Variants in ABCC4 observed in about 807,000 individuals in gnomAD.
The protein encoded by ABCC4 is ATP-binding cassette sub-family C member 4.
In ABCC4, 102 loss-of-function variants were observed where a neutral mutation model predicts 168.5. The observed-to-expected ratio is 0.61, with a 90% confidence interval of 0.52 to 0.71. The LOEUF is 0.71. ABCC4 is among the 30% of genes least tolerant of loss of function. ABCC4 has a pLI of 0.00. For missense variants in ABCC4, 1,402 were observed against 1,605.8 expected (o/e 0.87, Z 2.17); for synonymous variants, 617 against 590.7 (o/e 1.04, Z -0.65).
chr13:95,154,955 T>G (rs2036808214), intron 19 of ABCC4, among the ~76,000 whole-genome samples: 1 of 152,216 alleles, frequency 6.6e-6, no homozygotes, highest in African/African-American at 2.4e-5. Flanking sequence ...ACTCTTTTTT[T>G]CTGGCAAGGA....
chr13:95,121,610 G>A (rs1353995169), intron 19 of ABCC4, among the ~76,000 whole-genome samples: 2 of 151,858 alleles, frequency 1.3e-5, no homozygotes, highest in African/African-American at 4.8e-5. Flanking sequence ...GTTTTGCCAT[G>A]TTGCCCAGGT....
intron 19 of ABCC4, among the ~76,000 whole-genome samples, chr13:95,146,750 C>T (rs926037101): frequency 1.3e-5 from 2 of 152,096 alleles, no homozygotes; most frequent in Admixed American, 6.6e-5. Context: ...AACAAGACAA[C>T]GGAAGTGACA....
At chr13:95,088,561 G>A (rs1454152038) in intron 20 of ABCC4, among the ~76,000 whole-genome samples, 1 of 152,066 alleles carries the variant, frequency 6.6e-6, no homozygotes, top group East Asian at 1.9e-4. Flanking sequence ...TGAAATCAAT[G>A]TAATTAGAAA....
intron 1 of ABCC4, among the ~76,000 whole-genome samples, chr13:95,257,543 A>G (rs1330742011): frequency 6.6e-6 from 1 of 152,056 alleles, no homozygotes; most frequent in Non-Finnish European, 1.5e-5. Context: ...GGCGGTGCAC[A>G]TCCCAGCTAC....
chr13:95,078,035 G>T (rs2033967813), intron 21 of ABCC4, among the ~76,000 whole-genome samples: 1 of 152,106 alleles, frequency 6.6e-6, no homozygotes, highest in Non-Finnish European at 1.5e-5. Flanking sequence ...CCATCCTTGG[G>T]GCTCTTTCCT....
intron 27 of ABCC4, among the ~76,000 whole-genome samples, chr13:95,045,991 A>T (rs961552736): frequency 6.6e-6 from 1 of 152,246 alleles, no homozygotes; most frequent in East Asian, 1.9e-4. Flanking sequence ...CATGCAAGGT[A>T]GGAAATTAAA....
chr13:95,169,661 A>G (rs1189115128), intron 14 of ABCC4, among the ~76,000 whole-genome samples: 1 of 151,942 alleles, frequency 6.6e-6, no homozygotes, highest in Non-Finnish European at 1.5e-5. Context: ...CCTTCCTTGC[A>G]TCTATCTCCA....
At position 95,182,964 on chromosome 13, in the gene ABCC4, T is replaced by C. The variant is rs4148492; in HGVS notation, c.1545+3737A>G. Among the ~76,000 whole-genome samples, 500 of 152,296 alleles carry C rather than the reference T, an allele frequency of 3.3e-3. 16 individuals carry two copies. In the East Asian group the frequency reaches 0.066, roughly 20 times the overall value. ...ATCTTATTATTTTATCTCAAATATATTTTTAGCTCGATGAACTTATAAATT... is the reference window on the plus strand; with the variant it reads ...ATCTTATTATTTTATCTCAAATATACTTTTAGCTCGATGAACTTATAAATT... On this transcript the variant is annotated intron_variant, in intron 11 of 30. Transcript: ENST00000645237.
At chr13:95,243,947 G>A (rs1157120235) in intron 3 of ABCC4, among the ~76,000 whole-genome samples, 1 of 150,852 alleles carries the variant, frequency 6.6e-6, no homozygotes, top group Non-Finnish European at 1.5e-5. Context: ...TTGGTGCTCT[G>A]ACCTGCCCAG....
chr13:95,117,854 G>T (rs2035432704), intron 19 of ABCC4, among the ~76,000 whole-genome samples: 1 of 151,698 alleles, frequency 6.6e-6, no homozygotes, highest in Non-Finnish European at 1.5e-5. Context: ...AGAGGTGGGA[G>T]CATTGCTTGA....
chr13:95,081,583 C>G (rs115201962), intron 21 of ABCC4, among the ~76,000 whole-genome samples: 1,984 of 152,300 alleles, frequency 0.013, 42 homozygotes, highest in African/African-American at 0.046. Context: ...CCACTGAAAA[C>G]CTTACAAGAC....
intron 13 of ABCC4, among the ~76,000 whole-genome samples, chr13:95,177,015 A>G (rs1410464352): frequency 1.3e-5 from 2 of 152,226 alleles, no homozygotes; most frequent in African/African-American, 4.8e-5. Context: ...ACCACGTAAG[A>G]GTTGGGAGGG....
chr13:95,272,786 G>A (rs1056171697), intron 1 of ABCC4, among the ~76,000 whole-genome samples: 78 of 127,546 alleles, frequency 6.1e-4, no homozygotes, highest in African/African-American at 2.9e-3. Flanking sequence ...TACTCGAGAG[G>A]CTGAGACAGG....
intron 19 of ABCC4, among the ~76,000 whole-genome samples, chr13:95,156,783 A>C (rs1455247823): frequency 6.6e-6 from 1 of 152,114 alleles, no homozygotes; most frequent in Non-Finnish European, 1.5e-5. Flanking sequence ...GAGGAGGATA[A>C]AAAGACGAGA....
chr13:95,213,019 C>T (rs2138684218), intron 4 of ABCC4, among the ~76,000 whole-genome samples: 1 of 151,948 alleles, frequency 6.6e-6, no homozygotes, highest in South Asian at 2.1e-4. Context: ...CCCAGCTACT[C>T]AGGAGGCTGA....
At chr13:95,118,653 T>C (rs139640671) in intron 19 of ABCC4, among the ~76,000 whole-genome samples, 8 of 152,312 alleles carry the variant, frequency 5.3e-5, no homozygotes, top group African/African-American at 1.9e-4. Context: ...ACACTTATGA[T>C]AAATTCCCTC....
rs761112274 is a variant in ABCC4 at position 95,210,791 on chromosome 13, A to G, written c.532-10T>C. The G allele has an allele frequency of 1.2e-6, 2 of 1,605,538 alleles. No homozygotes were observed. The highest frequency in any genetic ancestry group is 1.7e-6 in the Non-Finnish European group (2 of 1,172,336). On this transcript the variant is annotated splice_polypyrimidine_tract_variant and intron_variant, in intron 4 of 30. Coordinates refer to ENST00000645237, the MANE Select transcript of ABCC4 (RefSeq NM_005845.5). ...TACTAAGACGAAGTGCCTGAAATAA[A>G]AGAGGTAAGTAGAGAATTGTATTCA...
chr13:95,218,970 AAAGAAAGAAAG>A lies in ABCC4; in HGVS notation c.532-8200_532-8190del, dbSNP rs1566539745. On this transcript the variant is annotated intron_variant, in intron 4 of 30. Transcript: ENST00000645237. ...GAAAGAAAGAAAGAAAGAAAGAAAG[AAAGAAAGAAAG>A]AAAGAGTGAGAAAGAAAGAAAGAGT... is the stretch of plus-strand genomic sequence containing the variant. 4.0e-3 allele frequency among the ~76,000 whole-genome samples: 159 copies of A among 39,762 alleles called. 15 individuals are homozygous for A. In the East Asian group the frequency reaches 0.055, roughly 14 times the overall value. The allele number at this position is 39,762 out of a possible 152,430, so 26.1% of individuals were successfully genotyped here.
chr13:95,143,129 T>C (rs1027407778), intron 19 of ABCC4, among the ~76,000 whole-genome samples: 4 of 152,194 alleles, frequency 2.6e-5, no homozygotes, highest in Non-Finnish European at 5.9e-5. Context: ...CAAGCCAGGT[T>C]TGATACTGAA....
Sources: gnomAD v4.1 joint callset for allele counts (sites outside exome capture counted in the v4.1 genomes callset) on GRCh38, gnomAD v4.1.1 for gene constraint, MANE v1.5 for transcripts, NCBI Gene and HGNC (gene_info 2026-07-23, HGNC 2026-07-21) for gene names.